Variants in CCSER1 observed in about 807,000 individuals in gnomAD.
CCSER1 encodes coiled-coil serine rich protein 1.
CCSER1 carries 41 observed loss-of-function variants against 82.0 expected under a neutral mutation model. That is an observed-to-expected ratio of 0.50 (90% CI 0.39 to 0.65). The LOEUF is 0.65. CCSER1 is among the 30% of genes least tolerant of loss of function. The probability of loss-of-function intolerance (pLI) is 0.00; values close to 1 mark genes in which losing one functional copy is unlikely to be tolerated. For synonymous variants in CCSER1, 414 were observed against 383.9 expected (o/e 1.08, Z -0.92); for missense variants, 1,119 against 1,064.2 (o/e 1.05, Z -0.72).
At chr4:90,619,300 G>C (rs536443830) in intron 5 of CCSER1, among the ~76,000 whole-genome samples, 102 of 152,074 alleles carry the variant, frequency 6.7e-4, no homozygotes, top group African/African-American at 2.5e-3. Context: ...AGTGGTGAAT[G>C]AGAGGGTGGG....
intron 10 of CCSER1, among the ~76,000 whole-genome samples, chr4:91,165,225 C>G (rs1209215116): frequency 6.6e-6 from 1 of 152,128 alleles, no homozygotes; most frequent in African/African-American, 2.4e-5. Context: ...TGCTGGAGGT[C>G]CACTCCAGAC....
intron 10 of CCSER1, among the ~76,000 whole-genome samples, chr4:91,376,629 A>C (rs1291882725): frequency 1.3e-5 from 2 of 152,052 alleles, no homozygotes; most frequent in Non-Finnish European, 2.9e-5. Flanking sequence ...AAATTAAAGA[A>C]AAAAATTATT....
chr4:90,908,263 G>T (rs1725796664), intron 8 of CCSER1, among the ~76,000 whole-genome samples: 1 of 151,914 alleles, frequency 6.6e-6, no homozygotes, highest in Admixed American at 6.6e-5. Flanking sequence ...CACCTAATAT[G>T]CAGAAGATTC....
At chr4:91,587,555 G>T (rs1040466036) in intron 10 of CCSER1, among the ~76,000 whole-genome samples, 1 of 151,620 alleles carries the variant, frequency 6.6e-6, no homozygotes, top group African/African-American at 2.4e-5. Context: ...TCTACTCTAA[G>T]AATTTTTCTA....
At chr4:90,173,332 T>C (rs914278841) in intron 1 of CCSER1, among the ~76,000 whole-genome samples, 2 of 135,560 alleles carry the variant, frequency 1.5e-5, no homozygotes, top group Non-Finnish European at 3.0e-5. Flanking sequence ...GCAATTGTGT[T>C]TTTTTTCAAA....
intron 1 of CCSER1, among the ~76,000 whole-genome samples, chr4:90,271,629 A>G (rs1330910553): frequency 6.6e-6 from 1 of 151,700 alleles, no homozygotes; most frequent in Admixed American, 6.6e-5. Context: ...ACTAAAGCAA[A>G]AGTGGACGAA....
chr4:91,444,967 A>G (rs1024933757), intron 10 of CCSER1, among the ~76,000 whole-genome samples: 2 of 152,240 alleles, frequency 1.3e-5, no homozygotes, highest in African/African-American at 4.8e-5. Context: ...ACTTTGGTAT[A>G]AATCCTGCTA....
At chr4:91,354,638 G>A (rs1748699709) in intron 10 of CCSER1, among the ~76,000 whole-genome samples, 1 of 152,194 alleles carries the variant, frequency 6.6e-6, no homozygotes, top group Non-Finnish European at 1.5e-5. Flanking sequence ...CTTTAGCTAT[G>A]CAATACTGTC....
chr4:91,518,645 C>A lies in CCSER1; in HGVS notation c.2218-79927C>A, dbSNP rs558123158. ...ATCAAGGGCTCACATGGAGGAGAGA[C>A]TGGGCTCCTCTCTATATAGTGGCTA... On this transcript the variant is annotated intron_variant, in intron 10 of 10. Coordinates refer to ENST00000509176, the MANE Select transcript of CCSER1 (RefSeq NM_001145065.2). 1.1e-4 allele frequency among the ~76,000 whole-genome samples: 17 copies of A among 152,286 alleles called. 1 individual carries two copies. In the South Asian group the frequency reaches 3.5e-3, roughly 32 times the overall value.
intron 6 of CCSER1, among the ~76,000 whole-genome samples, chr4:90,654,333 C>T (rs892184427): frequency 6.6e-6 from 1 of 151,640 alleles, no homozygotes; most frequent in Non-Finnish European, 1.5e-5. Context: ...AGCTGTATTA[C>T]AAAAAAAGGA....
Position 90,251,259 on chromosome 4 carries a change from G to A in CCSER1, c.-41-56985G>A, listed in dbSNP as rs190769524. 2.1e-3 allele frequency among the ~76,000 whole-genome samples: 312 copies of A among 151,400 alleles called. 2 individuals carry two copies. Among genetic ancestry groups the A allele is most frequent in the African/African-American group, 6.7e-3 (277 of 41,346 alleles). ...CCTACTTGTGCTGGCTAGAATGTTC[G>A]GTATAATAATGAATAAATATGATGA... On this transcript the variant is annotated intron_variant, in intron 1 of 10. Transcript: ENST00000509176.
At position 91,153,732 on chromosome 4, in the gene CCSER1, A is replaced by T. The variant is rs1055411207; in HGVS notation, c.2217+67738A>T. Among the ~76,000 whole-genome samples the T allele has an allele frequency of 1.1e-4, 16 of 151,912 alleles. 1 individual carries two copies. Among genetic ancestry groups the T allele is most frequent in the Non-Finnish European group, 2.4e-4 (16 of 67,912 alleles). On this transcript the variant is annotated intron_variant, in intron 10 of 10. Transcript: ENST00000509176. ...TTTGTTGATTTTCCTTCTAACAGTG[A>T]AGACCGTCAGCTGCAGGTCTGTTGG...
At position 91,091,193 on chromosome 4, in the gene CCSER1, G is replaced by A. The variant is rs576397168; in HGVS notation, c.2217+5199G>A. On this transcript the variant is annotated intron_variant, in intron 10 of 10. Transcript: ENST00000509176. ...CAAGCGTCAAATTATAAGATTATGC[G>A]TTTGGGCACCCCTTTTTCTTCTGTT... Among the ~76,000 whole-genome samples, 132 of 152,162 alleles carry A rather than the reference G, an allele frequency of 8.7e-4. 2 individuals are homozygous for A. The highest frequency in any genetic ancestry group is 2.9e-3 in the African/African-American group (120 of 41,514).
rs541959073 is a variant in CCSER1 at position 90,855,748 on chromosome 4, C to G, written c.2094+39903C>G. Among the ~76,000 whole-genome samples the G allele has an allele frequency of 5.3e-5, 8 of 152,118 alleles. No individual in the cohort carries two copies. The South Asian group carries it at 1.7e-3, about 32-fold the overall frequency. The stretch of plus-strand genomic sequence containing the variant: ...AGATGACTATTTACTAACTCTGTAT[C>G]TTAACATGATAAGAAATAATTATTT... On this transcript the variant is annotated intron_variant, in intron 8 of 10. Coordinates refer to ENST00000509176, the MANE Select transcript of CCSER1 (RefSeq NM_001145065.2).
intron 9 of CCSER1, among the ~76,000 whole-genome samples, chr4:91,054,964 T>C (rs1225283673): frequency 1.3e-5 from 2 of 152,172 alleles, no homozygotes; most frequent in African/African-American, 4.8e-5. Context: ...TCTTGGAATT[T>C]AATCTATTTA....
intron 10 of CCSER1, among the ~76,000 whole-genome samples, chr4:91,557,433 G>C (rs1762457075): frequency 6.6e-6 from 1 of 151,220 alleles, no homozygotes; most frequent in Non-Finnish European, 1.5e-5. Flanking sequence ...CTATGTGGCA[G>C]GCACCTACTG....
At chr4:91,478,433 G>A (rs574543860) in intron 10 of CCSER1, among the ~76,000 whole-genome samples, 4 of 151,628 alleles carry the variant, frequency 2.6e-5, no homozygotes, top group Admixed American at 2.0e-4. Context: ...ATATAATTAC[G>A]TGATTTTTAT....
intron 1 of CCSER1, among the ~76,000 whole-genome samples, chr4:90,181,215 G>C (rs376698208): frequency 2.0e-5 from 3 of 151,942 alleles, no homozygotes; most frequent in Non-Finnish European, 4.4e-5. Flanking sequence ...AACTAAAATA[G>C]AAATTGGAAG....
intron 10 of CCSER1, among the ~76,000 whole-genome samples, chr4:91,294,613 G>A (rs1248562086): frequency 6.6e-6 from 1 of 151,756 alleles, no homozygotes; most frequent in Non-Finnish European, 1.5e-5. Flanking sequence ...CCATCTGTTA[G>A]CTCTAGAGGC....
Sources: allele counts gnomAD v4.1 joint callset (sites outside exome capture counted in the v4.1 genomes callset), GRCh38; gene constraint gnomAD v4.1.1; transcripts MANE v1.5; gene names NCBI Gene and HGNC (gene_info 2026-07-23, HGNC 2026-07-21).